PCCA: variants seen among roughly 807,000 people sequenced by gnomAD.
PCCA encodes propionyl-CoA carboxylase subunit alpha, also known as propionyl-CoA carboxylase alpha chain, mitochondrial.
A neutral mutation model predicts 101.3 loss-of-function variants in PCCA; 74 were observed. The observed-to-expected ratio is 0.73, with a 90% CI of 0.61 to 0.89. The LOEUF is 0.89. PCCA is among the 40% of genes least tolerant of loss of function. The probability of loss-of-function intolerance (pLI) is 0.00; values close to 1 mark genes in which losing one functional copy is unlikely to be tolerated. For synonymous variants in PCCA, 294 were observed against 313.6 expected (o/e 0.94, Z 0.66); for missense variants, 891 against 907.0 (o/e 0.98, Z 0.23).
chr13:100,309,972 G>A, intron 16 of PCCA, 64 bp downstream of exon 16: 1 of 1,175,624 alleles, frequency 8.5e-7, no homozygotes, highest in Non-Finnish European at 1.3e-6. Flanking sequence ...AGAACAGCCT[G>A]GGGGTTTACC....
At position 100,294,479 on chromosome 13, in the gene PCCA, TA is replaced by T. The variant is rs201961666; in HGVS notation, c.1066-6976del. 1.4e-4 allele frequency among the ~76,000 whole-genome samples: 22 copies of T among 152,128 alleles called. 1 individual carries two copies. The East Asian group carries it at 3.7e-3, about 25-fold the overall frequency. ...TTTTTTTCCATGTATACATAGCATA[TA>T]AAAATTTTAAACAACTTACTAGAAT... On this transcript the variant is annotated intron_variant, in intron 12 of 23. Coordinates refer to ENST00000376285, the MANE Select transcript of PCCA (RefSeq NM_000282.4).
At chr13:100,407,467 T>G (rs2077753225) in intron 19 of PCCA, among the ~76,000 whole-genome samples, 1 of 152,224 alleles carries the variant, frequency 6.6e-6, no homozygotes, top group Admixed American at 6.5e-5. Context: ...GACTCAGAAG[T>G]TTTAAATAAG....
At chr13:100,435,998 G>A (rs1241252945) in intron 20 of PCCA, among the ~76,000 whole-genome samples, 6 of 151,644 alleles carry the variant, frequency 4.0e-5, no homozygotes, top group Admixed American at 2.6e-4. Flanking sequence ...AGCTGAGATC[G>A]AGCCATTGCA....
At chr13:100,343,779 T>C (rs2071751661) in intron 18 of PCCA, among the ~76,000 whole-genome samples, 1 of 152,214 alleles carries the variant, frequency 6.6e-6, no homozygotes, top group African/African-American at 2.4e-5. Flanking sequence ...ACAATTAAGA[T>C]GTATAGATGT....
At chr13:100,267,504 A>G (rs1046001818) in intron 10 of PCCA, among the ~76,000 whole-genome samples, 3 of 152,192 alleles carry the variant, frequency 2.0e-5, no homozygotes, top group African/African-American at 7.2e-5. Flanking sequence ...TAAGATTGAT[A>G]TTATCTGCTA....
chr13:100,417,139 G>GT (rs1358304118), intron 19 of PCCA, among the ~76,000 whole-genome samples: 1 of 152,116 alleles, frequency 6.6e-6, no homozygotes, highest in Non-Finnish European at 1.5e-5. Context: ...CACCGTGCCC[G>GT]GCCTGTCATG....
chr13:100,197,334 T>A (rs1318356267), intron 6 of PCCA, among the ~76,000 whole-genome samples: 1 of 152,056 alleles, frequency 6.6e-6, no homozygotes, highest in Non-Finnish European at 1.5e-5. Flanking sequence ...TGGCCTCCTG[T>A]GTAGCTGGGA....
intron 19 of PCCA, among the ~76,000 whole-genome samples, chr13:100,379,628 C>G (rs2076112552): frequency 6.6e-6 from 1 of 152,126 alleles, no homozygotes; most frequent in South Asian, 2.1e-4. Context: ...TTCCATATGG[C>G]TGGGGAGGCC....
Position 100,393,708 on chromosome 13 carries a change from G to C in PCCA, c.1746+25134G>C, listed in dbSNP as rs369234709. 1.1e-3 allele frequency among the ~76,000 whole-genome samples: 165 copies of C among 152,136 alleles called. 6 individuals are homozygous for C. The South Asian group carries it at 0.031, about 29-fold the overall frequency. ...TTGGGATTACAGGCATGAGTTACCG[G>C]ACCCTGCCTACTCAAGAGTCTTAAT... is the stretch of plus-strand genomic sequence containing the variant. On this transcript the variant is annotated intron_variant, in intron 19 of 23. Coordinates refer to ENST00000376285, the MANE Select transcript of PCCA (RefSeq NM_000282.4).
At chr13:100,126,808 T>C (rs938538076) in intron 4 of PCCA, among the ~76,000 whole-genome samples, 6 of 152,162 alleles carry the variant, frequency 3.9e-5, no homozygotes, top group South Asian at 2.1e-4. Flanking sequence ...TTTTTTATTA[T>C]TGTGAGCACT....
At chr13:100,220,681 C>G (rs1258410352) in intron 7 of PCCA, among the ~76,000 whole-genome samples, 1 of 152,180 alleles carries the variant, frequency 6.6e-6, no homozygotes, top group African/African-American at 2.4e-5. Context: ...CCTCTCCTTG[C>G]TCCCCACTTT....
chr13:100,463,019 G>A (rs2152944342), intron 21 of PCCA, among the ~76,000 whole-genome samples: 1 of 152,296 alleles, frequency 6.6e-6, no homozygotes, highest in South Asian at 2.1e-4. Context: ...TCAGATAGAG[G>A]GAACAGTGAG....
chr13:100,111,645 T>G (rs2048332619), intron 2 of PCCA, among the ~76,000 whole-genome samples, 196 bp from the exon 3 acceptor site: 1 of 152,212 alleles, frequency 6.6e-6, no homozygotes, highest in Non-Finnish European at 1.5e-5. Context: ...TTTAATAACC[T>G]ATTTTAATAT....
At chr13:100,234,726 G>A (rs1255502501) in intron 7 of PCCA, among the ~76,000 whole-genome samples, 1 of 150,978 alleles carries the variant, frequency 6.6e-6, no homozygotes, top group Non-Finnish European at 1.5e-5. Context: ...ATTCTGACAT[G>A]GTTGCTCTAC....
At chr13:100,436,398 A>G (rs536149574) in intron 20 of PCCA, among the ~76,000 whole-genome samples, 1 of 152,328 alleles carries the variant, frequency 6.6e-6, no homozygotes, top group South Asian at 2.1e-4. Flanking sequence ...AGTTGCAAAG[A>G]CTGGACCCAC....
rs375103065 is a variant in PCCA at position 100,159,778 on chromosome 13, T to G, written c.468+2438T>G. On this transcript the variant is annotated intron_variant, in intron 6 of 23. Coordinates refer to ENST00000376285, the MANE Select transcript of PCCA (RefSeq NM_000282.4). ...TGCGCTGCTCCCATGCGTGGCTGGC[T>G]CTGCCCTCAGTGCTTTCCTCACTCT... Among the ~76,000 whole-genome samples the G allele has an allele frequency of 2.0e-5, 3 of 152,324 alleles. No homozygotes were observed. The East Asian group carries it at 5.8e-4, about 29-fold the overall frequency.
chr13:100,442,274 G>A lies in PCCA; in HGVS notation c.1846-6978G>A, dbSNP rs151182875. ...CTCCCAAAGTGTTGGGATTACAGGC[G>A]TGAGCCACCACGCCTGGCCTGTCCT... On this transcript the variant is annotated intron_variant, in intron 20 of 23. Transcript: ENST00000376285. Among the ~76,000 whole-genome samples the A allele has an allele frequency of 4.5e-3, 692 of 152,224 alleles. 9 individuals are homozygous for A. The highest frequency in any genetic ancestry group is 0.016 in the African/African-American group (675 of 41,530).
chr13:100,289,432 A>G (rs973773935), intron 12 of PCCA, among the ~76,000 whole-genome samples: 2 of 152,182 alleles, frequency 1.3e-5, no homozygotes, highest in South Asian at 2.1e-4. Flanking sequence ...TATAGGAGTA[A>G]GCTGCTGGCG....
chr13:100,238,443 T>C (rs1435004923), intron 8 of PCCA, among the ~76,000 whole-genome samples: 5 of 152,202 alleles, frequency 3.3e-5, no homozygotes, highest in Non-Finnish European at 7.3e-5. Flanking sequence ...GCACATCCTT[T>C]ATGACTCCTT....
Sources: gnomAD v4.1 joint callset for allele counts (sites outside exome capture counted in the v4.1 genomes callset) on GRCh38, gnomAD v4.1.1 for gene constraint, MANE v1.5 for transcripts, NCBI Gene and HGNC (gene_info 2026-07-23, HGNC 2026-07-21) for gene names.